DPH6: variants seen among roughly 807,000 people sequenced by gnomAD.
DPH6 encodes the protein diphthamine biosynthesis 6.
Under a neutral mutation model 38.2 loss-of-function variants are expected in DPH6, and 33 were observed. The observed-to-expected ratio is 0.86, with a 90% CI of 0.65 to 1.15. The LOEUF (loss-of-function observed/expected upper bound fraction) is 1.15, where lower values mean the gene tolerates loss of function less well. Ranked by LOEUF, DPH6 falls within the 50% of genes most tolerant of loss-of-function variation. DPH6 has a pLI of 0.00. For missense variants in DPH6, 325 were observed against 320.0 expected, an observed-to-expected ratio of 1.02 and a Z score of -0.12; for synonymous variants, 108 against 103.0, an observed-to-expected ratio of 1.05 and a Z score of -0.30.
At chr15:35,299,058 A>C (rs914211548) in intron 3 of DPH6, 19 of 721,910 alleles carry the variant, frequency 2.6e-5, no homozygotes, top group East Asian at 5.0e-5. Flanking sequence ...TCTTTCTTCT[A>C]TTTCTTCTGT....
chr15:35,384,618 G>A (rs538860278), intron 6 of DPH6, among the ~76,000 whole-genome samples: 25 of 152,042 alleles, frequency 1.6e-4, no homozygotes, highest in Admixed American at 1.2e-3. Flanking sequence ...AGCCGAGATC[G>A]CACCATTGCA....
At chr15:35,334,948 T>C (rs913696759) in intron 3 of DPH6, among the ~76,000 whole-genome samples, 1 of 152,214 alleles carries the variant, frequency 6.6e-6, no homozygotes, top group Non-Finnish European at 1.5e-5. Context: ...AAATGGTATT[T>C]CTGCCTCTAG....
chr15:35,170,418 T>C, the DPH6 span, among the ~76,000 whole-genome samples: 2 of 152,122 alleles, frequency 1.3e-5, no homozygotes, highest in African/African-American at 2.4e-5. Flanking sequence ...AAATAAACGG[T>C]GGAGCTTCCC....
intron 3 of DPH6, among the ~76,000 whole-genome samples, chr15:35,510,875 A>G (rs1213726354): frequency 1.3e-5 from 2 of 152,222 alleles, no homozygotes; most frequent in African/African-American, 4.8e-5. Flanking sequence ...AAGTGAGGAA[A>G]CATGACAAAT....
chr15:35,165,815 C>T, the DPH6 span, among the ~76,000 whole-genome samples: 13 of 151,844 alleles, frequency 8.6e-5, no homozygotes, highest in South Asian at 2.1e-4. Context: ...AATTTCACGA[C>T]GGCAATTTGA....
intron 3 of DPH6, among the ~76,000 whole-genome samples, chr15:35,278,500 G>A (rs1326460469): frequency 1.3e-5 from 2 of 152,234 alleles, no homozygotes; most frequent in African/African-American, 2.4e-5. Context: ...GCACCAAGGG[G>A]ACGTGTGAGG....
At chr15:35,484,514 G>C (rs906460741) in intron 3 of DPH6, among the ~76,000 whole-genome samples, 4 of 152,206 alleles carry the variant, frequency 2.6e-5, no homozygotes, top group African/African-American at 9.6e-5. Flanking sequence ...TGGTCTGTTG[G>C]AATGAGGATG....
chr15:35,360,794 T>A (rs186646435), intron 3 of DPH6, among the ~76,000 whole-genome samples: 1 of 151,542 alleles, frequency 6.6e-6, no homozygotes, highest in African/African-American at 2.4e-5. Flanking sequence ...GGTCCCTGGG[T>A]TGGCAGGACT....
chr15:35,371,724 G>A lies in DPH6; in HGVS notation c.*426C>T. 1.0e-6 allele frequency: 1 copy of A among 987,360 alleles called. No individual in the cohort carries two copies. Among genetic ancestry groups the A allele is most frequent in the Non-Finnish European group, 1.2e-6 (1 of 831,464 alleles). 61.2% of individuals were successfully genotyped at this position (987,360 alleles called of 1,614,324 possible). On this transcript the variant is annotated 3_prime_UTR_variant, in exon 9 of 9. Coordinates refer to ENST00000256538, the MANE Select transcript of DPH6 (RefSeq NM_080650.4). ...GCTTTGGCGACACCCAGTAGAATAA[G>A]CTTGACTGGCTAAATAAAGTGACCA... is the stretch of plus-strand genomic sequence containing the variant.
chr15:35,262,256 C>T (rs2051751779), intron 3 of DPH6, among the ~76,000 whole-genome samples: 1 of 152,136 alleles, frequency 6.6e-6, no homozygotes, highest in African/African-American at 2.4e-5. Context: ...AGTGGTATCA[C>T]AATTTTTCAG....
chr15:35,494,481 A>C (rs2054523048), intron 3 of DPH6, among the ~76,000 whole-genome samples: 1 of 152,100 alleles, frequency 6.6e-6, no homozygotes, highest in African/African-American at 2.4e-5. Flanking sequence ...GATTACATTA[A>C]AATTACTCAA....
chr15:35,227,172 TTC>T (rs1207987705), intron 3 of DPH6, among the ~76,000 whole-genome samples: 1 of 144,448 alleles, frequency 6.9e-6, no homozygotes, highest in African/African-American at 2.6e-5. Flanking sequence ...TTATAACATC[TTC>T]TTTTTTTTTT....
At chr15:35,509,908 C>T (rs1165598002) in intron 3 of DPH6, among the ~76,000 whole-genome samples, 2 of 152,140 alleles carry the variant, frequency 1.3e-5, no homozygotes, top group Non-Finnish European at 2.9e-5. Flanking sequence ...AGAAACTTTA[C>T]AACTACCAGC....
intron 3 of DPH6, among the ~76,000 whole-genome samples, chr15:35,472,578 G>C (rs905044326): frequency 4.6e-5 from 7 of 152,142 alleles, no homozygotes; most frequent in Admixed American, 1.3e-4. Flanking sequence ...GTACCTGCAA[G>C]GGGCTAACAA....
intron 3 of DPH6, among the ~76,000 whole-genome samples, chr15:35,470,196 C>T (rs2054180123): frequency 6.6e-6 from 1 of 151,812 alleles, no homozygotes; most frequent in African/African-American, 2.4e-5. Context: ...AAGACTGTGT[C>T]TCAAAAAAGA....
chr15:35,472,101 T>A (rs1566922662), intron 3 of DPH6, among the ~76,000 whole-genome samples: 1 of 152,094 alleles, frequency 6.6e-6, no homozygotes, highest in Non-Finnish European at 1.5e-5. Flanking sequence ...AAAAAATAGA[T>A]AAACAACAAA....
intron 3 of DPH6, chr15:35,365,720 G>A (rs547204202): frequency 1.2e-5 from 11 of 911,546 alleles, no homozygotes; most frequent in South Asian, 5.0e-5. Flanking sequence ...TATCATCACG[G>A]TATGGCGTTG....
chr15:35,521,375 T>C lies in DPH6; in HGVS notation c.312+16899A>G, dbSNP rs952113862. Reference sequence around the variant, plus strand: ...ATCCTATGAACCAACTTTATATAAATAGACTATATCATCTAAAGAATCTGT... The same window carrying C: ...ATCCTATGAACCAACTTTATATAAACAGACTATATCATCTAAAGAATCTGT... On this transcript the variant is annotated intron_variant, in intron 3 of 8. Coordinates refer to ENST00000256538, the MANE Select transcript of DPH6 (RefSeq NM_080650.4). 16 of 1,044,852 alleles carry C rather than the reference T, an allele frequency of 1.5e-5. No homozygotes were observed. The East Asian group carries it at 8.6e-4, about 56-fold the overall frequency. 64.7% of individuals were successfully genotyped at this position (1,044,852 alleles called of 1,614,324 possible).
At chr15:35,254,886 C>T (rs113626783) in intron 3 of DPH6, among the ~76,000 whole-genome samples, 5,322 of 151,840 alleles carry the variant, frequency 0.035, 330 homozygotes, top group East Asian at 0.33. Flanking sequence ...AGTACATTCT[C>T]AAGGGTGGGG....
Sources: allele counts gnomAD v4.1 joint callset (sites outside exome capture counted in the v4.1 genomes callset), GRCh38; gene constraint gnomAD v4.1.1; transcripts MANE v1.5; gene names NCBI Gene and HGNC (gene_info 2026-07-23, HGNC 2026-07-21).